The following LHFPL6 variants were observed in gnomAD, a reference collection of about 807,000 sequenced individuals.
LHFPL6 encodes LHFPL tetraspan subfamily member 6 protein.
LHFPL6 carries 9 observed loss-of-function variants against 20.6 expected under a neutral mutation model. That is an observed-to-expected ratio of 0.44 (90% CI 0.26 to 0.76). The LOEUF is 0.76. LHFPL6 is among the 30% of genes least tolerant of loss of function. The pLI is 0.20. For missense variants in LHFPL6, 218 were observed against 253.5 expected (o/e 0.86, Z 0.95); for synonymous variants, 105 against 98.7 (o/e 1.06, Z -0.38).
At chr13:39,361,475 A>G (rs967230804) in intron 3 of LHFPL6, among the ~76,000 whole-genome samples, 1 of 151,940 alleles carries the variant, frequency 6.6e-6, no homozygotes, top group Non-Finnish European at 1.5e-5. Flanking sequence ...ATGCCATGAC[A>G]CCCGGCTAAT....
chr13:39,443,582 A>C (rs930275620), intron 2 of LHFPL6, among the ~76,000 whole-genome samples: 1 of 152,112 alleles, frequency 6.6e-6, no homozygotes, highest in Non-Finnish European at 1.5e-5. Flanking sequence ...TCAGAAGAAG[A>C]CAAGAGCTGT....
chr13:39,530,622 C>T (rs766953421), intron 2 of LHFPL6, among the ~76,000 whole-genome samples: 4 of 152,072 alleles, frequency 2.6e-5, no homozygotes, highest in Non-Finnish European at 4.4e-5. Context: ...GATAAAATAA[C>T]CATTGGATGA....
chr13:39,593,889 G>A (rs1872688035), intron 2 of LHFPL6, among the ~76,000 whole-genome samples: 1 of 152,184 alleles, frequency 6.6e-6, no homozygotes, highest in Non-Finnish European at 1.5e-5. Flanking sequence ...TTAATAAATG[G>A]TGCTAGGAAG....
intron 3 of LHFPL6, among the ~76,000 whole-genome samples, chr13:39,375,599 G>A (rs1037947546): frequency 6.6e-5 from 10 of 151,902 alleles, no homozygotes; most frequent in Non-Finnish European, 1.3e-4. Flanking sequence ...GCTGAGGCAC[G>A]AGAATCGCTT....
At chr13:39,509,063 C>T (rs773232161) in intron 2 of LHFPL6, among the ~76,000 whole-genome samples, 1 of 151,944 alleles carries the variant, frequency 6.6e-6, no homozygotes, top group African/African-American at 2.4e-5. Context: ...TGGTATCTCA[C>T]GGTGGTTTTA....
chr13:39,542,310 G>C (rs1361745408), intron 2 of LHFPL6, among the ~76,000 whole-genome samples: 2 of 151,978 alleles, frequency 1.3e-5, no homozygotes, highest in Non-Finnish European at 1.5e-5. Context: ...TGGAAGAAAT[G>C]AAAGAATGAA....
chr13:39,466,073 A>G (rs1281627623), intron 2 of LHFPL6, among the ~76,000 whole-genome samples: 1 of 152,188 alleles, frequency 6.6e-6, no homozygotes, highest in Non-Finnish European at 1.5e-5. Context: ...CCTTTGGAGT[A>G]GAGTGGGTTC....
intron 2 of LHFPL6, among the ~76,000 whole-genome samples, chr13:39,558,993 G>T (rs1444050092): frequency 6.6e-6 from 1 of 152,202 alleles, no homozygotes; most frequent in African/African-American, 2.4e-5. Flanking sequence ...AATGAACAAA[G>T]CAGAGTAGGA....
intron 2 of LHFPL6, among the ~76,000 whole-genome samples, chr13:39,514,837 C>T (rs1869848736): frequency 1.3e-5 from 2 of 152,208 alleles, no homozygotes; most frequent in African/African-American, 2.4e-5. Flanking sequence ...AACTTTAATT[C>T]CAGCCAGCCA....
intron 2 of LHFPL6, among the ~76,000 whole-genome samples, chr13:39,487,983 C>A (rs1434426877): frequency 1.3e-5 from 2 of 152,182 alleles, no homozygotes; most frequent in Non-Finnish European, 2.9e-5. Context: ...GCATCCAGTG[C>A]TATGGTCTGA....
intron 2 of LHFPL6, among the ~76,000 whole-genome samples, chr13:39,439,970 A>C (rs549655225): frequency 2.6e-4 from 40 of 152,358 alleles, no homozygotes; most frequent in South Asian, 8.3e-4. Flanking sequence ...GAACTAATAC[A>C]GTAACTAACA....
At chr13:39,523,147 C>A (rs1870165010) in intron 2 of LHFPL6, among the ~76,000 whole-genome samples, 1 of 152,174 alleles carries the variant, frequency 6.6e-6, no homozygotes, top group Non-Finnish European at 1.5e-5. Flanking sequence ...TGCTTTACGA[C>A]TGATACATGT....
At chr13:39,434,536 T>A (rs1037135962) in intron 2 of LHFPL6, among the ~76,000 whole-genome samples, 2 of 152,182 alleles carry the variant, frequency 1.3e-5, no homozygotes, top group African/African-American at 4.8e-5. Flanking sequence ...GGTGCCAAGT[T>A]AAATTGTTTT....
At chr13:39,482,771 C>G (rs556128288) in intron 2 of LHFPL6, among the ~76,000 whole-genome samples, 3 of 152,218 alleles carry the variant, frequency 2.0e-5, no homozygotes, top group East Asian at 1.9e-4. Flanking sequence ...GAAAACTCAA[C>G]TGTATGAAAG....
At chr13:39,451,415 A>G (rs944893571) in intron 2 of LHFPL6, among the ~76,000 whole-genome samples, 1 of 152,196 alleles carries the variant, frequency 6.6e-6, no homozygotes, top group Non-Finnish European at 1.5e-5. Context: ...TGATTTCAGA[A>G]GATCAGGGTT....
intron 3 of LHFPL6, among the ~76,000 whole-genome samples, chr13:39,366,035 C>T (rs574224436): frequency 6.6e-6 from 1 of 152,330 alleles, no homozygotes; most frequent in East Asian, 1.9e-4. Flanking sequence ...GAATCCTTGC[C>T]TCACATCCCA....
At chr13:39,540,095 T>C (rs1034308178) in intron 2 of LHFPL6, among the ~76,000 whole-genome samples, 7 of 152,106 alleles carry the variant, frequency 4.6e-5, no homozygotes, top group African/African-American at 1.7e-4. Flanking sequence ...AGTGTTAAGA[T>C]AGCCTATAAA....
intron 2 of LHFPL6, among the ~76,000 whole-genome samples, chr13:39,503,695 C>T (rs542336705): frequency 2.0e-5 from 3 of 152,266 alleles, no homozygotes; most frequent in African/African-American, 2.4e-5. Context: ...TTACACAATA[C>T]GTAACCTTAC....
intron 2 of LHFPL6, among the ~76,000 whole-genome samples, chr13:39,473,557 G>A (rs1431728803): frequency 1.3e-5 from 2 of 151,638 alleles, no homozygotes; most frequent in Non-Finnish European, 2.9e-5. Flanking sequence ...CAATATAAAT[G>A]TGTCCAATTT....
Sources: allele counts gnomAD v4.1 joint callset (sites outside exome capture counted in the v4.1 genomes callset), GRCh38; gene constraint gnomAD v4.1.1; transcripts MANE v1.5; gene names NCBI Gene and HGNC (gene_info 2026-07-23, HGNC 2026-07-21).